Variants in MUC3A observed in about 807,000 individuals in gnomAD.
The protein encoded by MUC3A is mucin-3A.
A neutral mutation model predicts 109.0 loss-of-function variants in MUC3A; 109 were observed. The observed-to-expected ratio is 1.00, with a 90% confidence interval of 0.86 to 1.17. MUC3A has a LOEUF of 1.17. Among genes scored for constraint, MUC3A ranks in the 50% most tolerant of loss-of-function variants. The probability of loss-of-function intolerance (pLI) is 0.00; values close to 1 mark genes in which losing one functional copy is unlikely to be tolerated. For missense variants in MUC3A, 3,537 were observed against 2,469.4 expected (o/e 1.43, Z -9.16); for synonymous variants, 1,398 against 981.4 (o/e 1.42, Z -7.93).
At chr7:100,966,049 T>TCGCCCTAAAGTGCAGCCCCGCCTCC in intron 8 of MUC3A, 183 bp downstream of exon 8, 1 of 855,048 alleles carries the variant, frequency 1.2e-6, no homozygotes, top group Non-Finnish European at 1.7e-6. Flanking sequence ...GCTCTGCTCC[T>TCGCCCTAAAGTGCAGCCCCGCCTCC]TTGATGGGGT....
chr7:100,951,913 G>A lies in MUC3A; in HGVS notation c.134G>A (p.Ser45Asn), dbSNP rs773470215. The change falls in exon 2 of 12, where the codon AGC (serine) becomes AAC (asparagine). Residue 45 changes from serine (S) to asparagine (N), a missense_variant. Coordinates refer to ENST00000379458, the MANE Select transcript of MUC3A (RefSeq NM_005960.2). ...PRAEAASAVLSNSPHSRDLAG... is the reference protein window; with the variant it reads ...PRAEAASAVLNNSPHSRDLAG... Reference sequence around the variant, plus strand: ...GCAGAAGCAGCCAGCGCTGTGCTCAGCAATTCTCCACACTCCAGAGACCTG... The same window carrying A: ...GCAGAAGCAGCCAGCGCTGTGCTCAACAATTCTCCACACTCCAGAGACCTG... The A allele has an allele frequency of 3.8e-6, 6 of 1,598,626 alleles. No individual in the cohort carries two copies. The highest frequency in any genetic ancestry group is 2.2e-5 in the South Asian group (2 of 91,088).
In MUC3A at chr7:100,954,853, C is replaced by G. The variant is rs1349746312; in HGVS notation, c.3074C>G (p.Thr1025Ser). ...TPTNTMTSMR[T>S]TTYWPTATNT... is the part of the protein sequence containing the mutation. ...ACCAATACAATGACTTCTATGAGAACTACAACCTATTGGCCCACAGCCACT... is the reference window on the plus strand; with the variant it reads ...ACCAATACAATGACTTCTATGAGAAGTACAACCTATTGGCCCACAGCCACT... The change falls in exon 2 of 12, where the codon ACT (threonine) becomes AGT (serine). Residue 1025 changes from threonine to serine, a missense_variant. Physicochemically the swap from Thr to Ser is moderately conservative, Grantham distance 58 (BLOSUM62 1). Transcript: ENST00000379458. 2.3e-6 allele frequency: 1 copy of G among 436,284 alleles called. No homozygotes were observed. The highest frequency in any genetic ancestry group is 4.0e-6 in the Non-Finnish European group (1 of 249,666). The allele number at this position is 436,284 out of a possible 1,614,324, so 27.0% of individuals were successfully genotyped here.
chr7:100,949,725 T>C, intron 1 of MUC3A, 40 bp downstream of exon 1: 4 of 1,475,108 alleles, frequency 2.7e-6, no homozygotes, highest in Non-Finnish European at 3.6e-6. Context: ...GAAAAGCTCC[T>C]GATGTGATGT....
chr7:100,964,075 G>A (rs1792437292), intron 5 of MUC3A: 2 of 504,410 alleles, frequency 4.0e-6, no homozygotes, highest in Non-Finnish European at 7.1e-6. Flanking sequence ...AAGAGAGAGA[G>A]AGAAAGAGAG....
At chr7:100,961,119 G>A in intron 3 of MUC3A, 182 bp downstream of exon 3, 1 of 974,504 alleles carries the variant, frequency 1.0e-6, no homozygotes, top group South Asian at 4.7e-5. Flanking sequence ...CTCACCCTTA[G>A]GAGGTGGCTG....
chr7:100,966,446 GA>G lies in MUC3A; in HGVS notation c.9673del (p.Arg3225GlyfsTer7). On this transcript the variant is annotated frameshift_variant, in exon 9 of 12. Transcript: ENST00000379458. LOFTEE classifies it high-confidence loss of function. ...CGCGCTGCGAGGTGGCCGTCCACTG[GA>G]GGGCGCTGGTCGGGGGCCTGACGGC... Reference protein sequence around the residue: ...GPRCEVAVHWRALVGGLTAGA... With the variant: ...GPRCEVAVHWXALVGGLTAGA... 7.4e-7 allele frequency: 1 copy of G among 1,350,318 alleles called. No homozygotes were observed. The highest frequency in any genetic ancestry group is 9.4e-7 in the Non-Finnish European group (1 of 1,058,990). 83.6% of individuals were successfully genotyped at this position (1,350,318 alleles called of 1,614,324 possible).
In MUC3A at chr7:100,959,204, A is replaced by G. The variant is rs199694016; in HGVS notation, c.7425A>G (p.Val2475=). 5.0e-6 allele frequency: 8 copies of G among 1,598,288 alleles called. No individual in the cohort carries two copies. Among genetic ancestry groups the G allele is most frequent in the Admixed American group, 3.3e-5 (2 of 60,000 alleles). Residue 2475 remains valine, a synonymous_variant, in exon 2 of 12, where the codon GTA becomes GTG. Transcript: ENST00000379458. ...AGACTGCGGTGACTCCCACACCTGT[A>G]ACCCCATCTTCTCTGAGTACAGACA... ...TSETAVTPTP[V]TPSSLSTDIP...
At chr7:100,966,321 C>A in intron 8 of MUC3A, 65 bp from the exon 9 acceptor site, 2 of 1,268,760 alleles carry the variant, frequency 1.6e-6, no homozygotes, top group Non-Finnish European at 2.0e-6. Context: ...CCCCGCGGGG[C>A]CCAGGTGCAC....
chr7:100,951,249 C>T (rs796228824), intron 1 of MUC3A, among the ~76,000 whole-genome samples: 1 of 150,648 alleles, frequency 6.6e-6, no homozygotes, highest in Non-Finnish European at 1.5e-5. Flanking sequence ...CCTGCCTTGG[C>T]CTTTCAAAGT....
chr7:100,966,570 G>C lies in MUC3A; in HGVS notation c.9785+11G>C, dbSNP rs764273277. On this transcript the variant is annotated intron_variant, in intron 9 of 11. Transcript: ENST00000379458. ...CCAGCGCCGAGGCCGGTGAGCGTGCGGGGGGCGGGGCCGGGGGGCGAGGGC... is the reference window on the plus strand; with the variant it reads ...CCAGCGCCGAGGCCGGTGAGCGTGCCGGGGGCGGGGCCGGGGGGCGAGGGC... 1.3e-6 allele frequency: 2 copies of C among 1,514,076 alleles called. No individual in the cohort carries two copies. The highest frequency in any genetic ancestry group is 1.8e-4 in the Middle Eastern group (1 of 5,446). 93.8% of individuals were successfully genotyped at this position (1,514,076 alleles called of 1,614,324 possible).
chr7:100,965,052 T>A, intron 6 of MUC3A: 1 of 1,096,086 alleles, frequency 9.1e-7, no homozygotes, highest in Non-Finnish European at 1.3e-6. Context: ...GACCCCCTGA[T>A]TGTCATGGTC....
chr7:100,950,692 T>C (rs931418086), intron 1 of MUC3A, among the ~76,000 whole-genome samples: 2 of 152,308 alleles, frequency 1.3e-5, no homozygotes, highest in Non-Finnish European at 2.9e-5. Flanking sequence ...CAGCCGGATC[T>C]CTGATCCTAA....
In MUC3A at chr7:100,960,037, C is replaced by T. The variant is rs780867681; in HGVS notation, c.8258C>T (p.Thr2753Ile). The T allele has an allele frequency of 1.3e-6, 2 of 1,509,538 alleles. No homozygotes were observed. Among genetic ancestry groups the T allele is most frequent in the Admixed American group, 2.2e-5 (1 of 44,450 alleles). 93.5% of individuals were successfully genotyped at this position (1,509,538 alleles called of 1,614,324 possible). A position where few individuals can be genotyped will look rare whatever the true frequency, so the allele number is the denominator to read the frequency against. Residue 2753 changes from threonine to isoleucine, a missense_variant, in exon 2 of 12, where the codon ACT becomes ATT. Coordinates refer to ENST00000379458, the MANE Select transcript of MUC3A (RefSeq NM_005960.2). ...AGCTCCTCTCTGACCACAGCTCTCA[C>T]TGAAATAACCCCCTTTTCTTATATT... is the stretch of plus-strand genomic sequence containing the variant. ...STSSSLTTAL[T>I]EITPFSYISL...
chr7:100,952,163 C>G lies in MUC3A; in HGVS notation c.384C>G (p.Cys128Trp), dbSNP rs200067471. The change falls in exon 2 of 12, where the codon TGC becomes TGG. Residue 128 changes from cysteine to tryptophan, a missense_variant. Coordinates refer to ENST00000379458, the MANE Select transcript of MUC3A (RefSeq NM_005960.2). ...TVLVYSATTE[C>W]VYPTSFIITI... ...TGGTCTATTCAGCCACCACTGAGTG[C>G]GTGTATCCAACGAGCTTTATAATCA... 7.4e-3 allele frequency: 11,357 copies of G among 1,535,974 alleles called. No individual in the cohort carries two copies. Among genetic ancestry groups the G allele is most frequent in the Admixed American group, 9.0e-3 (526 of 58,210 alleles).
chr7:100,964,424 C>T, intron 5 of MUC3A: 1 of 489,162 alleles, frequency 2.0e-6, no homozygotes, highest in Non-Finnish European at 3.5e-6. Context: ...GATACCACTG[C>T]ACTCCAGCCT....
Position 100,965,283 on chromosome 7 carries a change from C to T in MUC3A, c.9384C>T (p.Thr3128=), listed in dbSNP as rs779210642. Residue 3128 remains threonine, a splice_region_variant and synonymous_variant, in exon 7 of 12, where the codon ACC becomes ACT. Coordinates refer to ENST00000379458, the MANE Select transcript of MUC3A (RefSeq NM_005960.2). ...CCATCTGTGCCTGTGTTTCCGCAGC[C>T]CTGTGTTTTAAGCCTGACTCCATCA... ...QDVNSCQDSQ[T]LCFKPDSIKV... 1 of 1,599,128 alleles carries T rather than the reference C, an allele frequency of 6.3e-7. No homozygotes were observed. The highest frequency in any genetic ancestry group is 8.5e-7 in the Non-Finnish European group (1 of 1,179,690).
chr7:100,960,376 T>A lies in MUC3A; in HGVS notation c.8597T>A (p.Leu2866Gln). Residue 2866 changes from leucine to glutamine, a missense_variant, in exon 2 of 12, where the codon CTG (leucine) becomes CAG (glutamine). Physicochemically the swap from Leu to Gln is moderately radical, Grantham distance 113. Coordinates refer to ENST00000379458, the MANE Select transcript of MUC3A (RefSeq NM_005960.2). ...PTNTVFTSTR[L>Q]PTSETWLSNS... ...AACACAGTTTTCACAAGTACTCGAC[T>A]GCCCACCAGTGAGACCTGGCTGAGC... is the stretch of plus-strand genomic sequence containing the variant. 6.3e-7 allele frequency: 1 copy of A among 1,598,546 alleles called. No homozygotes were observed. Among genetic ancestry groups the A allele is most frequent in the Non-Finnish European group, 8.5e-7 (1 of 1,179,832 alleles).
chr7:100,958,856 T>C lies in MUC3A; in HGVS notation c.7077T>C (p.Thr2359=), dbSNP rs1352306091. The change falls in exon 2 of 12, where the codon ACT becomes ACC. Residue 2359 remains threonine (T), a synonymous_variant. Transcript: ENST00000379458. ...ETNSHSTTSF[T]SSITTTETTS... ...ACTCTCACAGTACTACCAGCTTCAC[T>C]TCTTCGATCACCACCACCGAGACCA... The C allele has an allele frequency of 6.3e-7, 1 of 1,592,558 alleles. No homozygotes were observed. The highest frequency in any genetic ancestry group is 1.3e-5 in the African/African-American group (1 of 74,888).
chr7:100,951,814 G>C (rs1791950853), intron 1 of MUC3A, 27 bp from the exon 2 acceptor site: 1 of 1,589,896 alleles, frequency 6.3e-7, no homozygotes, highest in Non-Finnish European at 8.5e-7. Flanking sequence ...TTTACCAGTG[G>C]ATTCCTCTGC....
Sources: gnomAD v4.1 joint callset for allele counts (sites outside exome capture counted in the v4.1 genomes callset) on GRCh38, gnomAD v4.1.1 for gene constraint, MANE v1.5 for transcripts, NCBI Gene and HGNC (gene_info 2026-07-23, HGNC 2026-07-21) for gene names.